The following STEAP1B variants were observed in gnomAD, a reference collection of about 807,000 sequenced individuals.
STEAP1B encodes STEAP family member 1B, also known as STEAP family protein MGC87042.
In STEAP1B, 13 loss-of-function variants were observed where a neutral mutation model predicts 27.9. The observed-to-expected ratio is 0.47, with a 90% CI of 0.30 to 0.74. The LOEUF (loss-of-function observed/expected upper bound fraction) is 0.74. Among genes scored for constraint, STEAP1B ranks in the 30% least tolerant of loss-of-function variants. The pLI, the probability that STEAP1B is intolerant of heterozygous loss-of-function variation, is 0.06. For synonymous variants in STEAP1B, 86 were observed against 107.1 expected (o/e 0.80, Z 1.22); for missense variants, 250 against 298.7 (o/e 0.84, Z 1.20).
chr7:22,495,598 A>C (rs988625362), intron 1 of STEAP1B: 2 of 152,224 alleles, frequency 1.3e-5, no homozygotes, highest in Non-Finnish European at 2.9e-5. Flanking sequence ...AACATATGTC[A>C]CAGTACTATT....
At chr7:22,466,809 G>A (rs1785792285) in intron 4 of STEAP1B, among the ~76,000 whole-genome samples, 1 of 152,182 alleles carries the variant, frequency 6.6e-6, no homozygotes, top group African/African-American at 2.4e-5. Context: ...GTGCAGTGTG[G>A]TTGTTAAAAG....
chr7:22,439,430 G>T lies in STEAP1B; in HGVS notation c.763-19594C>A, dbSNP rs146430608. On this transcript the variant is annotated intron_variant, in intron 4 of 4. Transcript: ENST00000678116. The stretch of plus-strand genomic sequence containing the variant: ...CAGATTATCAGCTAGTTCCAATGAA[G>T]ATTTTTTTTTTTTCATACAAGTCAT... Among the ~76,000 whole-genome samples the T allele has an allele frequency of 2.4e-3, 361 of 151,926 alleles. 3 individuals are homozygous for T. The highest frequency in any genetic ancestry group is 8.2e-3 in the African/African-American group (341 of 41,456).
In STEAP1B at chr7:22,419,846, A is replaced by G. The variant is rs542776691; in HGVS notation, c.763-10T>C. The G allele has an allele frequency of 3.2e-6, 5 of 1,549,710 alleles. No homozygotes were observed. The East Asian group carries it at 1.2e-4, about 38-fold the overall frequency. On this transcript the variant is annotated splice_polypyrimidine_tract_variant and intron_variant, in intron 4 of 4. Transcript: ENST00000678116. ...TGATCCTACCATGTACCTGGAAGGC[A>G]GACAGCAAGAAAGAGTTGATGTATA...
chr7:22,456,972 A>ATATATATATATTTTTTTTTTTTTTTT, intron 4 of STEAP1B, among the ~76,000 whole-genome samples: 12 of 57,054 alleles, frequency 2.1e-4, no homozygotes, highest in Middle Eastern at 0.017. Context: ...ATATATATAT[A>ATATATATATATTTTTTTTTTTTTTTT]TTTTTTTTTT....
chr7:22,437,905 T>C (rs1431030950), intron 4 of STEAP1B, among the ~76,000 whole-genome samples: 1 of 152,208 alleles, frequency 6.6e-6, no homozygotes, highest in African/African-American at 2.4e-5. Context: ...GTGTACATCT[T>C]TTTGGGAAAA....
intron 4 of STEAP1B, among the ~76,000 whole-genome samples, chr7:22,484,035 T>C (rs1008566352): frequency 3.3e-5 from 5 of 152,218 alleles, no homozygotes; most frequent in African/African-American, 1.2e-4. Context: ...AGCTGGCAGC[T>C]ACCAGGTTGG....
intron 1 of STEAP1B, among the ~76,000 whole-genome samples, chr7:22,498,357 G>C (rs1323781714): frequency 6.6e-6 from 1 of 152,162 alleles, no homozygotes; most frequent in East Asian, 1.9e-4. Context: ...GGGAGACACA[G>C]CTCCAAACCA....
At chr7:22,493,913 C>T (rs1453557699) in intron 2 of STEAP1B, 77 bp from the exon 3 acceptor site, 3 of 1,463,946 alleles carry the variant, frequency 2.0e-6, no homozygotes, top group Non-Finnish European at 2.7e-6. Flanking sequence ...ACTTATTGCT[C>T]AATCATTGTG....
chr7:22,475,688 C>T (rs1238236237), intron 4 of STEAP1B, among the ~76,000 whole-genome samples: 1 of 152,198 alleles, frequency 6.6e-6, no homozygotes, highest in Non-Finnish European at 1.5e-5. Context: ...GCAGATGCAC[C>T]TGAAGGTGTG....
At chr7:22,469,685 T>C (rs536747392) in intron 4 of STEAP1B, among the ~76,000 whole-genome samples, 2 of 152,210 alleles carry the variant, frequency 1.3e-5, no homozygotes, top group Non-Finnish European at 2.9e-5. Flanking sequence ...CTAGGAGCAC[T>C]AGGCTTGCAG....
chr7:22,489,515 A>T (rs1786280804), intron 4 of STEAP1B, among the ~76,000 whole-genome samples: 1 of 152,152 alleles, frequency 6.6e-6, no homozygotes, highest in Admixed American at 6.5e-5. Flanking sequence ...GATCAAGTTC[A>T]CCTGAAGTCA....
intron 4 of STEAP1B, among the ~76,000 whole-genome samples, chr7:22,460,686 G>C (rs1006058638): frequency 2.0e-5 from 3 of 152,126 alleles, no homozygotes; most frequent in African/African-American, 7.2e-5. Context: ...CTGCAAGCTT[G>C]CAGAGGGATG....
At chr7:22,428,828 A>G (rs1785142718) in intron 4 of STEAP1B, among the ~76,000 whole-genome samples, 1 of 152,112 alleles carries the variant, frequency 6.6e-6, no homozygotes, top group South Asian at 2.1e-4. Flanking sequence ...ATAAAATAAA[A>G]TACATATGAC....
chr7:22,430,370 A>T (rs78486986), intron 4 of STEAP1B, among the ~76,000 whole-genome samples: 5,087 of 152,292 alleles, frequency 0.033, 282 homozygotes, highest in African/African-American at 0.12. Flanking sequence ...CTAATAGAAC[A>T]ACTATTCTCC....
intron 4 of STEAP1B, among the ~76,000 whole-genome samples, chr7:22,458,816 T>C (rs894315101): frequency 7.9e-5 from 12 of 151,406 alleles, no homozygotes. Flanking sequence ...AAGGAGTTTC[T>C]ACTGTTATCC....
chr7:22,426,517 G>A (rs1785109785), intron 4 of STEAP1B, among the ~76,000 whole-genome samples: 3 of 152,160 alleles, frequency 2.0e-5, no homozygotes, highest in Non-Finnish European at 4.4e-5. Context: ...AACTTCATAA[G>A]TTAAGTTAGA....
intron 4 of STEAP1B, among the ~76,000 whole-genome samples, chr7:22,490,706 C>T (rs565552678): frequency 5.2e-4 from 79 of 152,324 alleles, no homozygotes; most frequent in African/African-American, 1.6e-3. Context: ...ACTTAGACTA[C>T]ATGCCAATAG....
At chr7:22,419,978 G>A in intron 4 of STEAP1B, 142 bp from the exon 5 acceptor site, 1 of 977,724 alleles carries the variant, frequency 1.0e-6, no homozygotes, top group Non-Finnish European at 1.4e-6. Flanking sequence ...TCAGGGCAAA[G>A]CTAGGCCTAG....
chr7:22,465,154 T>C (rs1391119011), intron 4 of STEAP1B, among the ~76,000 whole-genome samples: 3 of 151,556 alleles, frequency 2.0e-5, no homozygotes, highest in East Asian at 1.9e-4. Flanking sequence ...GTGGGTAGCA[T>C]TGACAATATG....
Sources: allele counts gnomAD v4.1 joint callset (sites outside exome capture counted in the v4.1 genomes callset), GRCh38; gene constraint gnomAD v4.1.1; transcripts MANE v1.5; gene names NCBI Gene and HGNC (gene_info 2026-07-23, HGNC 2026-07-21).